Variants in SGCZ observed in about 807,000 individuals in gnomAD.
The protein encoded by SGCZ is zeta-sarcoglycan.
A neutral mutation model predicts 41.3 loss-of-function variants in SGCZ; 40 were observed. The observed-to-expected ratio is 0.97, with a 90% CI of 0.75 to 1.26. The LOEUF (loss-of-function observed/expected upper bound fraction) is 1.26, where lower values mean the gene tolerates loss of function less well. Ranked by LOEUF, SGCZ falls within the 50% of genes most tolerant of loss-of-function variation. SGCZ has a pLI of 0.00. For missense variants in SGCZ, 552 were observed against 369.8 expected (o/e 1.49, Z -4.04); for synonymous variants, 206 against 137.5 (o/e 1.50, Z -3.49).
At chr8:14,154,333 C>A (rs760655277) in intron 5 of SGCZ, among the ~76,000 whole-genome samples, 5 of 152,068 alleles carry the variant, frequency 3.3e-5, no homozygotes, top group Non-Finnish European at 5.9e-5. Flanking sequence ...CGTGCCACTG[C>A]ACTCCAGCCT....
At chr8:15,232,673 GTGTA>G (rs1256567495) in intron 1 of SGCZ, among the ~76,000 whole-genome samples, 1 of 114,444 alleles carries the variant, frequency 8.7e-6, no homozygotes, top group African/African-American at 3.0e-5. Flanking sequence ...ATATATGTGT[GTGTA>G]TATATATATA....
At chr8:14,129,640 T>C (rs539079616) in intron 5 of SGCZ, among the ~76,000 whole-genome samples, 2 of 151,796 alleles carry the variant, frequency 1.3e-5, no homozygotes, top group East Asian at 3.9e-4. Context: ...ACTTTATACC[T>C]TGAAGAAGAG....
At chr8:14,379,433 A>C (rs940428528) in intron 2 of SGCZ, among the ~76,000 whole-genome samples, 1 of 152,206 alleles carries the variant, frequency 6.6e-6, no homozygotes, top group Non-Finnish European at 1.5e-5. Flanking sequence ...TGCAAAACCT[A>C]TATGAGGTAA....
chr8:14,892,829 G>C (rs190408517), intron 1 of SGCZ, among the ~76,000 whole-genome samples: 1 of 152,200 alleles, frequency 6.6e-6, no homozygotes, highest in East Asian at 1.9e-4. Flanking sequence ...TAGAAGGTTT[G>C]AACTATATGA....
intron 1 of SGCZ, among the ~76,000 whole-genome samples, chr8:14,865,881 T>C (rs1027914927): frequency 6.6e-6 from 1 of 152,142 alleles, no homozygotes; most frequent in African/African-American, 2.4e-5. Flanking sequence ...AAAGTACTTA[T>C]GGAGTTAGGT....
intron 6 of SGCZ, among the ~76,000 whole-genome samples, chr8:14,105,537 T>C (rs1381279309): frequency 6.6e-6 from 1 of 152,106 alleles, no homozygotes; most frequent in African/African-American, 2.4e-5. Context: ...GTAAAGTTTT[T>C]CTCAGACACC....
At chr8:14,718,416 T>C (rs968369041) in intron 1 of SGCZ, among the ~76,000 whole-genome samples, 2 of 152,006 alleles carry the variant, frequency 1.3e-5, no homozygotes, top group Non-Finnish European at 2.9e-5. Context: ...TATATACGAC[T>C]AATCATGTGA....
At chr8:14,764,069 T>C (rs1483469134) in intron 1 of SGCZ, among the ~76,000 whole-genome samples, 1 of 152,150 alleles carries the variant, frequency 6.6e-6, no homozygotes, top group Non-Finnish European at 1.5e-5. Flanking sequence ...AAGAACAGCA[T>C]TTTATTTTGT....
At chr8:14,366,918 T>A (rs1446620326) in intron 2 of SGCZ, among the ~76,000 whole-genome samples, 1 of 152,144 alleles carries the variant, frequency 6.6e-6, no homozygotes, top group African/African-American at 2.4e-5. Flanking sequence ...CCTGGAGACA[T>A]TTTCCCCAAC....
rs575534462 is a variant in SGCZ, at chr8:14,400,199, T to C, written c.235-75995A>G. Reference sequence around the variant, plus strand: ...TCTAATAGCGTGTATTGATACTTCATTTATTTTTACTATAAAATAATATTT... The same window carrying C: ...TCTAATAGCGTGTATTGATACTTCACTTATTTTTACTATAAAATAATATTT... On this transcript the variant is annotated intron_variant, in intron 2 of 7. Coordinates refer to ENST00000382080, the MANE Select transcript of SGCZ (RefSeq NM_139167.4). Among the ~76,000 whole-genome samples the C allele has an allele frequency of 1.0e-4, 13 of 128,246 alleles. No homozygotes were observed. The East Asian group carries it at 1.4e-3, about 14-fold the overall frequency. 84.1% of individuals were successfully genotyped at this position (128,246 alleles called of 152,430 possible). A position where few individuals can be genotyped will look rare whatever the true frequency, so the allele number is the denominator to read the frequency against.
chr8:15,107,645 A>C (rs1806882211), intron 1 of SGCZ, among the ~76,000 whole-genome samples: 1 of 152,138 alleles, frequency 6.6e-6, no homozygotes, highest in Non-Finnish European at 1.5e-5. Flanking sequence ...GAACTACATA[A>C]ACCTTTTTTT....
chr8:14,892,271 T>G (rs558277972), intron 1 of SGCZ, among the ~76,000 whole-genome samples: 2 of 152,158 alleles, frequency 1.3e-5, no homozygotes, highest in Non-Finnish European at 2.9e-5. Flanking sequence ...AGGATATATC[T>G]GCTGAGTGTA....
chr8:14,505,104 AT>A (rs2117060849), intron 2 of SGCZ, among the ~76,000 whole-genome samples: 1 of 152,256 alleles, frequency 6.6e-6, no homozygotes, highest in Non-Finnish European at 1.5e-5. Flanking sequence ...GGCCGTGATC[AT>A]GCCACCACAC....
chr8:15,227,982 A>G (rs540557318), intron 1 of SGCZ, among the ~76,000 whole-genome samples: 3 of 152,326 alleles, frequency 2.0e-5, no homozygotes, highest in Non-Finnish European at 2.9e-5. Flanking sequence ...AAACTTTACT[A>G]TGGCTTAAAT....
chr8:14,824,903 C>T (rs1802244571), intron 1 of SGCZ, among the ~76,000 whole-genome samples: 1 of 151,984 alleles, frequency 6.6e-6, no homozygotes, highest in Admixed American at 6.6e-5. Context: ...CTTATGGATA[C>T]CAATTTTTTG....
At chr8:14,334,160 G>C (rs1424504735) in intron 2 of SGCZ, among the ~76,000 whole-genome samples, 2 of 151,944 alleles carry the variant, frequency 1.3e-5, no homozygotes, top group Non-Finnish European at 2.9e-5. Flanking sequence ...TTAAGGATAA[G>C]ACTATGGGGT....
intron 1 of SGCZ, among the ~76,000 whole-genome samples, chr8:14,895,556 C>A (rs541895560): frequency 1.3e-5 from 2 of 152,158 alleles, no homozygotes; most frequent in African/African-American, 4.8e-5. Context: ...TGATAGAAAA[C>A]CTTATTTTGA....
At chr8:14,716,745 G>A (rs1585204936) in intron 1 of SGCZ, among the ~76,000 whole-genome samples, 1 of 152,138 alleles carries the variant, frequency 6.6e-6, no homozygotes, top group African/African-American at 2.4e-5. Context: ...ACAAAGCATT[G>A]TATTTTTGAT....
chr8:14,673,154 A>T (rs1022119384), intron 1 of SGCZ, among the ~76,000 whole-genome samples: 1 of 152,176 alleles, frequency 6.6e-6, no homozygotes, highest in Non-Finnish European at 1.5e-5. Flanking sequence ...AGTGAGTGTT[A>T]TGATGTTTAC....
Sources: allele counts gnomAD v4.1 joint callset (sites outside exome capture counted in the v4.1 genomes callset), GRCh38; gene constraint gnomAD v4.1.1; transcripts MANE v1.5; gene names NCBI Gene and HGNC (gene_info 2026-07-23, HGNC 2026-07-21).